The following RASSF2 variants were observed in gnomAD, a reference collection of about 807,000 sequenced individuals.
RASSF2 encodes ras association domain-containing protein 2.
Under a neutral mutation model 46.3 loss-of-function variants are expected in RASSF2, and 34 were observed. That is an observed-to-expected ratio of 0.73 (90% CI 0.56 to 0.98). The LOEUF (loss-of-function observed/expected upper bound fraction) is 0.98, where lower values mean the gene tolerates loss of function less well. Among genes scored for constraint, RASSF2 ranks in the 50% least tolerant of loss-of-function variants. The probability of loss-of-function intolerance (pLI) is 0.00; values close to 1 mark genes in which losing one functional copy is unlikely to be tolerated. For missense variants in RASSF2, 364 were observed against 431.2 expected (o/e 0.84, Z 1.38); for synonymous variants, 158 against 162.5 (o/e 0.97, Z 0.21).
Position 4,780,603 on chromosome 20 carries a change from G to A in RASSF2, c.*3670C>T, listed in dbSNP as rs1358891954. The A allele has an allele frequency of 1.3e-5, 2 of 152,234 alleles. No individual in the cohort carries two copies. The highest frequency in any genetic ancestry group is 2.9e-5 in the Non-Finnish European group (2 of 68,044). The allele number at this position is 152,234 out of a possible 1,614,324, so 9.4% of individuals were successfully genotyped here. On this transcript the variant is annotated 3_prime_UTR_variant, in exon 12 of 12. Transcript: ENST00000379400. ...TCAGGGACGCTTATGGTGATCTCCTGTCTCCTATCTCATTCTTCACGTCAT... is the reference window on the plus strand; with the variant it reads ...TCAGGGACGCTTATGGTGATCTCCTATCTCCTATCTCATTCTTCACGTCAT...
chr20:4,795,697 A>T lies in RASSF2; in HGVS notation c.287+118T>A. On this transcript the variant is annotated intron_variant, in intron 5 of 11. Transcript: ENST00000379400. The surrounding 1 kb of genome is among the most constrained non-coding windows in gnomAD (Gnocchi z 4.0). ...GCTAAGGCAGGTGGGCAGTAGAGGT[A>T]GTAGGAGGAGGAGCCAGGGTCAGGG... is the stretch of plus-strand genomic sequence containing the variant. 1.6e-6 allele frequency: 2 copies of T among 1,250,486 alleles called. No individual in the cohort carries two copies. Among genetic ancestry groups the T allele is most frequent in the Non-Finnish European group, 2.2e-6 (2 of 908,234 alleles). 77.5% of individuals were successfully genotyped at this position (1,250,486 alleles called of 1,614,324 possible). A position where few individuals can be genotyped will look rare whatever the true frequency, so the allele number is the denominator to read the frequency against.
chr20:4,781,696 G>A lies in RASSF2; in HGVS notation c.*2577C>T, dbSNP rs1179511923. On this transcript the variant is annotated 3_prime_UTR_variant, in exon 12 of 12. Coordinates refer to ENST00000379400, the MANE Select transcript of RASSF2 (RefSeq NM_014737.3). Reference sequence around the variant, plus strand: ...TAACATAAGCCCCTCCCGGGGTGGGGGTGGTGGGGAGACAGATGCAGCTAA... The same window carrying A: ...TAACATAAGCCCCTCCCGGGGTGGGAGTGGTGGGGAGACAGATGCAGCTAA... 1 of 152,182 alleles carries A rather than the reference G, an allele frequency of 6.6e-6. No homozygotes were observed. The highest frequency in any genetic ancestry group is 2.4e-5 in the African/African-American group (1 of 41,436). 9.4% of individuals were successfully genotyped at this position (152,182 alleles called of 1,614,324 possible).
intron 2 of RASSF2, among the ~76,000 whole-genome samples, chr20:4,811,418 G>C (rs1217001419): frequency 6.6e-6 from 1 of 152,058 alleles, no homozygotes; most frequent in Non-Finnish European, 1.5e-5. Context: ...TCAGACTCTA[G>C]GGGAGGGGCC....
At chr20:4,820,983 C>T (rs954164340) in intron 2 of RASSF2, among the ~76,000 whole-genome samples, 1 of 152,178 alleles carries the variant, frequency 6.6e-6, no homozygotes, top group African/African-American at 2.4e-5. Flanking sequence ...CAGGTCTCCT[C>T]TCTGGCAAGC....
rs772769578 is a variant in RASSF2, at chr20:4,790,486, G to A, written c.502C>T (p.Arg168Cys). The A allele has an allele frequency of 4.0e-6, 6 of 1,506,198 alleles. No homozygotes were observed. The highest frequency in any genetic ancestry group is 3.9e-5 in the South Asian group (3 of 76,324). 93.3% of individuals were successfully genotyped at this position (1,506,198 alleles called of 1,614,324 possible). ...PSDQRRIRRH[R>C]FSINGHFYNH... ...TAGAAATGGCCGTTGATGGAGAAGC[G>A]GTGGCGTCTGATTCGCCGCTGGTCA... The change falls in exon 7 of 12, where the codon CGC becomes TGC. Residue 168 changes from arginine to cysteine, a missense_variant. Coordinates refer to ENST00000379400, the MANE Select transcript of RASSF2 (RefSeq NM_014737.3). This position sits in a 1 kb window ranked among gnomAD's most constrained non-coding sequence, Gnocchi z 4.3.
intron 10 of RASSF2, 24 bp from the exon 11 acceptor site, chr20:4,786,352 G>A (rs1042106566): frequency 2.0e-6 from 3 of 1,514,104 alleles, no homozygotes; most frequent in South Asian, 2.2e-5. Context: ...AGCAAGTCTG[G>A]GTGAATGCCC....
At chr20:4,786,737 C>G (rs1247153188) in intron 10 of RASSF2, among the ~76,000 whole-genome samples, 1 of 152,140 alleles carries the variant, frequency 6.6e-6, no homozygotes, top group Non-Finnish European at 1.5e-5. Flanking sequence ...AAACAAGCAT[C>G]CAAATATGAA....
rs3787447 is a variant in RASSF2 at position 4,793,351 on chromosome 20, T to G, written c.288-724A>C. 5.4e-3 allele frequency among the ~76,000 whole-genome samples: 821 copies of G among 152,304 alleles called. 15 individuals are homozygous for G. The East Asian group carries it at 0.055, about 10-fold the overall frequency. On this transcript the variant is annotated intron_variant, in intron 5 of 11. Coordinates refer to ENST00000379400, the MANE Select transcript of RASSF2 (RefSeq NM_014737.3). ...ATTTGGCTAGAAAGGAGAATCATAT[T>G]TGACCAATTAGGAACAACCCATGGT...
rs1404046530 is a variant in RASSF2 at position 4,817,071 on chromosome 20, C to T, written c.-33+5258G>A. 2.0e-5 allele frequency among the ~76,000 whole-genome samples: 3 copies of T among 152,172 alleles called. No individual in the cohort carries two copies. The East Asian group carries it at 5.8e-4, about 29-fold the overall frequency. ...AGTGAGTTGAGATCATGGCATTGCA[C>T]TCCAGCCTGGGCAACAAGAGTGAAA... On this transcript the variant is annotated intron_variant, in intron 2 of 11. Coordinates refer to ENST00000379400, the MANE Select transcript of RASSF2 (RefSeq NM_014737.3).
rs565787481 is a variant in RASSF2, at chr20:4,787,712, C to T, written c.734G>A (p.Arg245Gln). The part of the protein sequence containing the change: ...LKATDYPLIA[R>Q]ILQGPCEQIS... The stretch of plus-strand genomic sequence containing the variant: ...CTGCTCACATGGGCCCTGGAGGATT[C>T]GGGCAATCAGCGGGTAATCGGTGGC... Residue 245 changes from arginine (R) to glutamine (Q), a missense_variant, in exon 10 of 12, where the codon CGA becomes CAA. Arg to Gln is a conservative substitution (Grantham distance 43). Coordinates refer to ENST00000379400, the MANE Select transcript of RASSF2 (RefSeq NM_014737.3). The T allele has an allele frequency of 9.9e-6, 16 of 1,613,994 alleles. No individual in the cohort carries two copies. The highest frequency in any genetic ancestry group is 6.6e-5 in the South Asian group (6 of 91,082).
rs139519540 is a variant in RASSF2 at position 4,793,047 on chromosome 20, A to G, written c.288-420T>C. On this transcript the variant is annotated intron_variant, in intron 5 of 11. Transcript: ENST00000379400. ...TTTGCAGGGTAAGATTCCAGTTTAG[A>G]CTCATTGCTGTTGAAGAAATAACTC... The G allele has an allele frequency of 5.0e-4, 88 of 175,564 alleles. 2 individuals carry two copies. In the East Asian group the frequency reaches 0.014, roughly 28 times the overall value. 10.9% of individuals were successfully genotyped at this position (175,564 alleles called of 1,614,324 possible). A position where few individuals can be genotyped will look rare whatever the true frequency, so the allele number is the denominator to read the frequency against.
At chr20:4,793,371 C>T (rs1926068912) in intron 5 of RASSF2, among the ~76,000 whole-genome samples, 2 of 152,174 alleles carry the variant, frequency 1.3e-5, no homozygotes, top group African/African-American at 2.4e-5. Context: ...AGGAACAACC[C>T]ATGGTGAGAA....
rs1348471299 is a variant in RASSF2 at position 4,812,429 on chromosome 20, G to C, written c.-33+9900C>G. On this transcript the variant is annotated intron_variant, in intron 2 of 11. Coordinates refer to ENST00000379400, the MANE Select transcript of RASSF2 (RefSeq NM_014737.3). The surrounding 1 kb of genome is among the most constrained non-coding windows in gnomAD (Gnocchi z 4.0). Reference sequence around the variant, plus strand: ...GGCTCAAATCCAGGGCGGTGCAGGTGCCAAGCGGAACCCCTGTAGACTACA... The same window carrying C: ...GGCTCAAATCCAGGGCGGTGCAGGTCCCAAGCGGAACCCCTGTAGACTACA... Among the ~76,000 whole-genome samples, 1 of 152,226 alleles carries C rather than the reference G, an allele frequency of 6.6e-6. No homozygotes were observed. Among genetic ancestry groups the C allele is most frequent in the African/African-American group, 2.4e-5 (1 of 41,450 alleles).
In RASSF2 at chr20:4,780,591, T is replaced by C. The variant is rs1322247300; in HGVS notation, c.*3682A>G. 1 of 152,270 alleles carries C rather than the reference T, an allele frequency of 6.6e-6. No homozygotes were observed. The highest frequency in any genetic ancestry group is 1.5e-5 in the Non-Finnish European group (1 of 68,050). 9.4% of individuals were successfully genotyped at this position (152,270 alleles called of 1,614,324 possible). A position where few individuals can be genotyped will look rare whatever the true frequency, so the allele number is the denominator to read the frequency against. On this transcript the variant is annotated 3_prime_UTR_variant, in exon 12 of 12. Coordinates refer to ENST00000379400, the MANE Select transcript of RASSF2 (RefSeq NM_014737.3). ...TGTGCTGCTATATCAGGGACGCTTA[T>C]GGTGATCTCCTGTCTCCTATCTCAT...
At chr20:4,814,436 C>A (rs1034109135) in intron 2 of RASSF2, among the ~76,000 whole-genome samples, 15 of 152,206 alleles carry the variant, frequency 9.9e-5, no homozygotes, top group Admixed American at 4.6e-4. Context: ...CCCCAGCATT[C>A]TTCCTTTTTT....
At position 4,790,104 on chromosome 20, in the gene RASSF2, G is replaced by T. The variant is rs1256904663; in HGVS notation, c.537+347C>A. Among the ~76,000 whole-genome samples, 2 of 152,180 alleles carry T rather than the reference G, an allele frequency of 1.3e-5. No homozygotes were observed. The highest frequency in any genetic ancestry group is 4.8e-5 in the African/African-American group (2 of 41,434). On this transcript the variant is annotated intron_variant, in intron 7 of 11. Transcript: ENST00000379400. This position sits in a 1 kb window ranked among gnomAD's most constrained non-coding sequence, Gnocchi z 4.3. Reference sequence around the variant, plus strand: ...AAGCCAGACCATACACCAGCTGGGGGCACAGTGTGCAGGAAGAGGGTAACA... The same window carrying T: ...AAGCCAGACCATACACCAGCTGGGGTCACAGTGTGCAGGAAGAGGGTAACA...
chr20:4,816,622 A>T (rs1472364293), intron 2 of RASSF2, among the ~76,000 whole-genome samples: 1 of 152,242 alleles, frequency 6.6e-6, no homozygotes, highest in East Asian at 1.9e-4. Flanking sequence ...ATTTTATGGT[A>T]TGCGTACTTT....
rs1251211714 is a variant in RASSF2, at chr20:4,812,896, C to G, written c.-33+9433G>C. Among the ~76,000 whole-genome samples the G allele has an allele frequency of 1.3e-5, 2 of 152,134 alleles. No homozygotes were observed. The highest frequency in any genetic ancestry group is 2.9e-5 in the Non-Finnish European group (2 of 68,012). ...TGCGAGTAGCAGGTGCAGGCTGGCT[C>G]CAGCTACCAGCCCACAGCAGGCTGG... On this transcript the variant is annotated intron_variant, in intron 2 of 11. Coordinates refer to ENST00000379400, the MANE Select transcript of RASSF2 (RefSeq NM_014737.3). This position sits in a 1 kb window ranked among gnomAD's most constrained non-coding sequence, Gnocchi z 4.0.
At chr20:4,798,984 A>G (rs1211842147) in intron 3 of RASSF2, among the ~76,000 whole-genome samples, 2 of 152,056 alleles carry the variant, frequency 1.3e-5, no homozygotes, top group Non-Finnish European at 2.9e-5. Context: ...ACTCATGGGA[A>G]TTATAGGATA....
Sources: gnomAD v4.1 joint callset for allele counts (sites outside exome capture counted in the v4.1 genomes callset) on GRCh38, gnomAD v4.1.1 for gene constraint, Gnocchi (gnomAD v3.1) non-coding constraint, MANE v1.5 for transcripts, NCBI Gene and HGNC (gene_info 2026-07-23, HGNC 2026-07-21) for gene names.